The following RIT2 variants were observed in gnomAD, a reference collection of about 807,000 sequenced individuals.
RIT2 encodes Ras like without CAAX 2.
A neutral mutation model predicts 23.7 loss-of-function variants in RIT2; 24 were observed. That is an observed-to-expected ratio of 1.01 (90% CI 0.73 to 1.43). The LOEUF (loss-of-function observed/expected upper bound fraction) is 1.43, where lower values mean the gene tolerates loss of function less well. Ranked by LOEUF, RIT2 falls within the 40% of genes most tolerant of loss-of-function variation. The pLI, the probability that RIT2 is intolerant of heterozygous loss-of-function variation, is 0.00. For synonymous variants in RIT2, 107 were observed against 91.1 expected (o/e 1.17, Z -0.99); for missense variants, 236 against 266.9 (o/e 0.88, Z 0.81).
intron 4 of RIT2, among the ~76,000 whole-genome samples, chr18:42,879,065 T>C (rs1199279489): frequency 1.3e-5 from 2 of 152,146 alleles, no homozygotes; most frequent in African/African-American, 4.8e-5. Context: ...TCTCAATATA[T>C]TTAAATACAT....
chr18:42,859,801 G>A (rs530617990), intron 4 of RIT2, among the ~76,000 whole-genome samples: 74 of 150,440 alleles, frequency 4.9e-4, no homozygotes, highest in African/African-American at 1.8e-3. Flanking sequence ...ACAGGATGTC[G>A]CCCTGTCTCC....
chr18:43,053,575 A>T (rs530414725), intron 1 of RIT2, among the ~76,000 whole-genome samples: 6 of 152,186 alleles, frequency 3.9e-5, no homozygotes, highest in East Asian at 1.9e-4. Flanking sequence ...TCATTTTATT[A>T]TGCTGTCTGG....
intron 2 of RIT2, among the ~76,000 whole-genome samples, chr18:43,016,761 A>C (rs1911484893): frequency 6.6e-6 from 1 of 151,924 alleles, no homozygotes; most frequent in Admixed American, 6.6e-5. Context: ...CATGAATCTG[A>C]CTAACCAAAT....
chr18:43,069,675 C>A lies in RIT2; in HGVS notation c.104-35808G>T, dbSNP rs376738093. On this transcript the variant is annotated intron_variant, in intron 1 of 4. Coordinates refer to ENST00000326695, the MANE Select transcript of RIT2 (RefSeq NM_002930.4). ...AGAATTTTCTGATGGCTTCTTATGACACTTAATATAAAATCTGAAATCCTT... is the reference window on the plus strand; with the variant it reads ...AGAATTTTCTGATGGCTTCTTATGAAACTTAATATAAAATCTGAAATCCTT... Among the ~76,000 whole-genome samples the A allele has an allele frequency of 6.9e-4, 105 of 152,206 alleles. 5 individuals carry two copies. In the South Asian group the frequency reaches 0.021, roughly 31 times the overall value.
chr18:43,080,901 G>A (rs1230456245), intron 1 of RIT2, among the ~76,000 whole-genome samples: 1 of 152,044 alleles, frequency 6.6e-6, no homozygotes, highest in East Asian at 1.9e-4. Context: ...ATCCAAACTA[G>A]GACACTTTTG....
At chr18:42,779,956 G>A (rs1046132045) in intron 4 of RIT2, among the ~76,000 whole-genome samples, 3 of 149,228 alleles carry the variant, frequency 2.0e-5, no homozygotes. Context: ...CTTAAAAATA[G>A]CCATTGAGTA....
At chr18:42,776,500 T>TA (rs1017656404) in intron 4 of RIT2, among the ~76,000 whole-genome samples, 187 of 152,292 alleles carry the variant, frequency 1.2e-3, no homozygotes, top group Middle Eastern at 6.8e-3. Context: ...ACCAAAAAAG[T>TA]AAAAAATGTC....
intron 2 of RIT2, among the ~76,000 whole-genome samples, chr18:43,016,636 A>G (rs1251923506): frequency 6.6e-6 from 1 of 151,908 alleles, no homozygotes. Context: ...ATTCAAAGTT[A>G]AAGAAAATTA....
chr18:42,828,933 T>A (rs1163782205), intron 4 of RIT2, among the ~76,000 whole-genome samples: 1 of 152,200 alleles, frequency 6.6e-6, no homozygotes, highest in African/African-American at 2.4e-5. Flanking sequence ...AGAGGCTCTT[T>A]GGACAGGGCA....
At chr18:43,092,018 A>C (rs1913433957) in intron 1 of RIT2, among the ~76,000 whole-genome samples, 2 of 152,126 alleles carry the variant, frequency 1.3e-5, no homozygotes, top group Non-Finnish European at 2.9e-5. Context: ...TTTATGGATA[A>C]TTTTAACGGT....
intron 3 of RIT2, among the ~76,000 whole-genome samples, chr18:42,973,120 CTTAT>C (rs1242608322): frequency 6.6e-6 from 1 of 151,510 alleles, no homozygotes; most frequent in African/African-American, 2.4e-5. Flanking sequence ...TTTTTAATTC[CTTAT>C]TTGATTTTCC....
intron 1 of RIT2, among the ~76,000 whole-genome samples, chr18:43,071,608 G>A (rs1293164807): frequency 1.3e-5 from 2 of 152,030 alleles, no homozygotes; most frequent in African/African-American, 2.4e-5. Context: ...ATCTCAAGGT[G>A]TTGTTAATGA....
chr18:43,080,442 C>G (rs1276549673), intron 1 of RIT2, among the ~76,000 whole-genome samples: 1 of 152,130 alleles, frequency 6.6e-6, no homozygotes, highest in Non-Finnish European at 1.5e-5. Context: ...GGCTTTTGTG[C>G]AACATTTGGA....
At chr18:42,969,711 T>G (rs1356312573) in intron 3 of RIT2, among the ~76,000 whole-genome samples, 1 of 152,098 alleles carries the variant, frequency 6.6e-6, no homozygotes, top group Non-Finnish European at 1.5e-5. Context: ...AGAATTAATT[T>G]TTTTGCTTCT....
At chr18:42,940,236 C>CTATGTATATATA (rs1909562707) in intron 3 of RIT2, among the ~76,000 whole-genome samples, 1 of 86,992 alleles carries the variant, frequency 1.1e-5, no homozygotes, top group African/African-American at 4.4e-5. Flanking sequence ...GAAAGGCTCA[C>CTATGTATATATA]TATATATATA....
intron 1 of RIT2, among the ~76,000 whole-genome samples, chr18:43,061,007 T>C (rs1278621006): frequency 2.0e-5 from 3 of 152,144 alleles, no homozygotes; most frequent in African/African-American, 7.2e-5. Context: ...ACTCATTTAA[T>C]GTATTATAAC....
intron 4 of RIT2, among the ~76,000 whole-genome samples, chr18:42,833,154 C>A (rs546592108): frequency 1.4e-4 from 21 of 152,008 alleles, no homozygotes; most frequent in African/African-American, 5.1e-4. Context: ...CCAACACACA[C>A]CCTTTTCAGC....
At chr18:42,890,408 C>T (rs887125052) in intron 4 of RIT2, among the ~76,000 whole-genome samples, 2 of 151,108 alleles carry the variant, frequency 1.3e-5, no homozygotes, top group African/African-American at 4.9e-5. Flanking sequence ...ATCTACTACA[C>T]AGCTTAAACT....
intron 3 of RIT2, among the ~76,000 whole-genome samples, chr18:42,932,526 T>C (rs1379808695): frequency 6.6e-6 from 1 of 152,184 alleles, no homozygotes; most frequent in Non-Finnish European, 1.5e-5. Context: ...TAATATTGAA[T>C]ATGCCCTCTC....
Sources: allele counts gnomAD v4.1 joint callset (sites outside exome capture counted in the v4.1 genomes callset), GRCh38; gene constraint gnomAD v4.1.1; transcripts MANE v1.5; gene names NCBI Gene and HGNC (gene_info 2026-07-23, HGNC 2026-07-21).